Variants in GRM5 observed in about 807,000 individuals in gnomAD.
GRM5 encodes the protein metabotropic glutamate receptor 5.
A neutral mutation model predicts 83.1 loss-of-function variants in GRM5; 19 were observed. The observed-to-expected ratio is 0.23, with a 90% CI of 0.16 to 0.34. GRM5 has a LOEUF of 0.34. Ranked by LOEUF, GRM5 falls within the 10% of genes least tolerant of loss-of-function variation. GRM5 has a pLI of 1.00. For missense variants in GRM5, 1,160 were observed against 1,588.3 expected (o/e 0.73, Z 4.58); for synonymous variants, 675 against 633.6 (o/e 1.07, Z -0.98).
intron 3 of GRM5, among the ~76,000 whole-genome samples, chr11:88,748,931 C>A (rs542637383): frequency 1.1e-4 from 16 of 152,052 alleles, no homozygotes; most frequent in Non-Finnish European, 2.2e-4. Context: ...CCACAGAAAC[C>A]CCATTCAAAG....
At chr11:88,797,298 C>T (rs1371939052) in intron 3 of GRM5, among the ~76,000 whole-genome samples, 1 of 152,038 alleles carries the variant, frequency 6.6e-6, no homozygotes. Flanking sequence ...TACAGGCATG[C>T]ACCACCACGC....
chr11:88,823,676 T>C (rs11499568), intron 3 of GRM5, among the ~76,000 whole-genome samples: 3,886 of 152,278 alleles, frequency 0.026, 176 homozygotes, highest in African/African-American at 0.089. Flanking sequence ...TACTCCCACT[T>C]TCCTGCATAG....
intron 3 of GRM5, among the ~76,000 whole-genome samples, chr11:88,839,403 T>C (rs1416810686): frequency 6.6e-6 from 1 of 152,156 alleles, no homozygotes; most frequent in African/African-American, 2.4e-5. Flanking sequence ...AGTACATGGA[T>C]AGGTAGCTTT....
intron 3 of GRM5, among the ~76,000 whole-genome samples, chr11:88,762,433 T>C (rs942774725): frequency 1.3e-5 from 2 of 151,986 alleles, no homozygotes; most frequent in African/African-American, 4.8e-5. Flanking sequence ...AGAAAAAACA[T>C]TCAGTGTCAC....
intron 4 of GRM5, among the ~76,000 whole-genome samples, chr11:88,607,359 A>G (rs1018918411): frequency 6.6e-5 from 10 of 152,116 alleles, no homozygotes; most frequent in Admixed American, 5.9e-4. Flanking sequence ...TTTATCTTCA[A>G]AATTTATCTG....
intron 2 of GRM5, among the ~76,000 whole-genome samples, chr11:88,915,288 T>C (rs1268017028): frequency 6.6e-6 from 1 of 152,132 alleles, no homozygotes; most frequent in Non-Finnish European, 1.5e-5. Context: ...GCTTTCCTAA[T>C]GTAACAAGAT....
chr11:88,616,377 G>A, intron 4 of GRM5, among the ~76,000 whole-genome samples: 1 of 136,040 alleles, frequency 7.4e-6, no homozygotes. Context: ...GGATAAGATA[G>A]GGCTTTGGAG....
In GRM5 at chr11:88,567,008, C is replaced by G. The variant is rs1182293124; in HGVS notation, c.2630+45G>C. ...GACCCAGGAAACACATGCCTCTGCT[C>G]CAGTTTTAGGGGCCAGCATCCCTGT... On this transcript the variant is annotated intron_variant, in intron 8 of 9. Coordinates refer to ENST00000305447, the MANE Select transcript of GRM5 (RefSeq NM_001143831.3). The surrounding 1 kb of genome is among the most constrained non-coding windows in gnomAD (Gnocchi z 7.3). The G allele has an allele frequency of 1.6e-6, 2 of 1,260,016 alleles. No homozygotes were observed. The highest frequency in any genetic ancestry group is 2.2e-6 in the Non-Finnish European group (2 of 893,164). 78.1% of individuals were successfully genotyped at this position (1,260,016 alleles called of 1,614,324 possible).
intron 3 of GRM5, among the ~76,000 whole-genome samples, chr11:88,772,037 T>G (rs1275029695): frequency 6.7e-6 from 1 of 149,728 alleles, no homozygotes; most frequent in East Asian, 1.9e-4. Context: ...TATCAATCTT[T>G]TTTTTTTTTA....
At chr11:88,816,755 A>AT (rs959030321) in intron 3 of GRM5, among the ~76,000 whole-genome samples, 42 of 150,618 alleles carry the variant, frequency 2.8e-4, no homozygotes, top group Non-Finnish European at 4.7e-4. Context: ...CCAAAAAAAA[A>AT]AAAAAAGGAA....
intron 3 of GRM5, among the ~76,000 whole-genome samples, chr11:88,687,100 C>T (rs1940646524): frequency 1.3e-5 from 2 of 152,056 alleles, no homozygotes; most frequent in Admixed American, 1.3e-4. Context: ...TCATCCTACC[C>T]CACCATCTAA....
intron 3 of GRM5, among the ~76,000 whole-genome samples, chr11:88,776,965 C>A (rs1483776300): frequency 6.6e-6 from 1 of 152,152 alleles, no homozygotes; most frequent in Non-Finnish European, 1.5e-5. Flanking sequence ...CTCTGTATTT[C>A]TTGAATTTGA....
chr11:88,556,592 A>AT (rs1942634185), intron 8 of GRM5, among the ~76,000 whole-genome samples: 1 of 152,094 alleles, frequency 6.6e-6, no homozygotes, highest in African/African-American at 2.4e-5. Flanking sequence ...AAGTTCTGGG[A>AT]TTACAGGCAT....
At chr11:89,031,076 A>T (rs1420454700) in intron 2 of GRM5, among the ~76,000 whole-genome samples, 1 of 152,024 alleles carries the variant, frequency 6.6e-6, no homozygotes, top group African/African-American at 2.4e-5. Context: ...CTTACTCTGG[A>T]TATATGGACA....
At chr11:89,053,682 C>CAA (rs56034890) in intron 1 of GRM5, among the ~76,000 whole-genome samples, 1 of 148,184 alleles carries the variant, frequency 6.7e-6, no homozygotes, top group African/African-American at 2.5e-5. Flanking sequence ...TGTTTAAAAG[C>CAA]AAAAAAAAAA....
At chr11:88,897,998 G>C (rs752132742) in intron 2 of GRM5, among the ~76,000 whole-genome samples, 1 of 151,982 alleles carries the variant, frequency 6.6e-6, no homozygotes, top group Non-Finnish European at 1.5e-5. Context: ...TAGAACAACA[G>C]AAATACTGTC....
At chr11:88,638,356 G>A (rs563914837) in intron 4 of GRM5, among the ~76,000 whole-genome samples, 13 of 152,062 alleles carry the variant, frequency 8.5e-5, no homozygotes, top group African/African-American at 2.9e-4. Context: ...AAAAAATTTT[G>A]TTTAATATAT....
intron 3 of GRM5, among the ~76,000 whole-genome samples, chr11:88,829,177 G>A (rs1943943678): frequency 9.3e-6 from 1 of 107,434 alleles, no homozygotes; most frequent in Non-Finnish European, 1.6e-5. Flanking sequence ...AAAACACTAT[G>A]TTGGCATGCT....
intron 3 of GRM5, among the ~76,000 whole-genome samples, chr11:88,698,414 G>A (rs1940950781): frequency 6.6e-6 from 1 of 152,104 alleles, no homozygotes; most frequent in South Asian, 2.1e-4. Flanking sequence ...TTCACTCTTA[G>A]TGCTTCTTAT....
Sources: gnomAD v4.1 joint callset for allele counts (sites outside exome capture counted in the v4.1 genomes callset) on GRCh38, gnomAD v4.1.1 for gene constraint, Gnocchi (gnomAD v3.1) non-coding constraint, MANE v1.5 for transcripts, NCBI Gene and HGNC (gene_info 2026-07-23, HGNC 2026-07-21) for gene names.